Variants in CNTNAP2 observed in about 807,000 individuals in gnomAD.
CNTNAP2 encodes contactin-associated protein-like 2.
Under a neutral mutation model 155.2 loss-of-function variants are expected in CNTNAP2, and 98 were observed. That is an observed-to-expected ratio of 0.63 (90% confidence interval 0.54 to 0.75). CNTNAP2 has a LOEUF of 0.75. CNTNAP2 is among the 30% of genes least tolerant of loss of function. The pLI, the probability that CNTNAP2 is intolerant of heterozygous loss-of-function variation, is 0.00. For missense variants in CNTNAP2, 1,727 were observed against 1,688.1 expected, an observed-to-expected ratio of 1.02 and a Z score of -0.40; for synonymous variants, 651 against 631.2, an observed-to-expected ratio of 1.03 and a Z score of -0.47.
At chr7:146,799,814 T>TA (rs1386045932) in intron 2 of CNTNAP2, among the ~76,000 whole-genome samples, 1 of 152,178 alleles carries the variant, frequency 6.6e-6, no homozygotes, top group African/African-American at 2.4e-5. Context: ...TCTTCACTTT[T>TA]AAAATGGGGA....
At chr7:147,538,410 G>T (rs894147936) in intron 11 of CNTNAP2, among the ~76,000 whole-genome samples, 4 of 152,148 alleles carry the variant, frequency 2.6e-5, no homozygotes, top group African/African-American at 9.7e-5. Flanking sequence ...CCAACTCTTT[G>T]GAAGGCCAAG....
At chr7:146,748,627 A>C (rs1166368875) in intron 1 of CNTNAP2, among the ~76,000 whole-genome samples, 4 of 152,230 alleles carry the variant, frequency 2.6e-5, no homozygotes, top group African/African-American at 4.8e-5. Context: ...TCAGTAGTTT[A>C]GACTTAATAC....
intron 9 of CNTNAP2, among the ~76,000 whole-genome samples, chr7:147,370,918 C>A (rs1040666234): frequency 1.3e-5 from 2 of 152,074 alleles, no homozygotes; most frequent in Non-Finnish European, 2.9e-5. Flanking sequence ...CCAATTGTTA[C>A]TTTAATAAGG....
chr7:148,063,534 C>A lies in CNTNAP2; in HGVS notation c.2384-54584C>A, dbSNP rs1803197861. ...TCTTCAAGTTATCTAATCTTTTCTT[C>A]TGTAGTGTCTAATCTGCTGTTAGCC... is the stretch of plus-strand genomic sequence containing the variant. On this transcript the variant is annotated intron_variant, in intron 15 of 23. Coordinates refer to ENST00000361727, the MANE Select transcript of CNTNAP2 (RefSeq NM_014141.6). Among the ~76,000 whole-genome samples the A allele has an allele frequency of 1.3e-5, 2 of 150,934 alleles. 1 individual carries two copies.
chr7:146,831,035 T>C (rs886640906), intron 2 of CNTNAP2, among the ~76,000 whole-genome samples: 12 of 152,180 alleles, frequency 7.9e-5, no homozygotes, highest in African/African-American at 2.9e-4. Context: ...ATAATTAAAA[T>C]TGAAGATACA....
intron 15 of CNTNAP2, among the ~76,000 whole-genome samples, chr7:148,117,671 C>T (rs1804504650): frequency 6.6e-6 from 1 of 152,072 alleles, no homozygotes. Context: ...CCCCCACCCA[C>T]CCACAGAGTA....
At chr7:147,217,941 C>T (rs1803312809) in intron 8 of CNTNAP2, among the ~76,000 whole-genome samples, 2 of 151,980 alleles carry the variant, frequency 1.3e-5, no homozygotes, top group East Asian at 3.9e-4. Flanking sequence ...TAGACTTGTT[C>T]ATAATATTCG....
chr7:146,322,888 T>C (rs1317713411), intron 1 of CNTNAP2, among the ~76,000 whole-genome samples: 2 of 152,072 alleles, frequency 1.3e-5, no homozygotes, highest in African/African-American at 4.8e-5. Flanking sequence ...TTTGCTTTTA[T>C]TATAGTAGGA....
chr7:147,238,256 C>G (rs1242414833), intron 8 of CNTNAP2, among the ~76,000 whole-genome samples: 1 of 152,080 alleles, frequency 6.6e-6, no homozygotes, highest in Non-Finnish European at 1.5e-5. Flanking sequence ...ACCTCGTGAT[C>G]CGCCCACCTC....
intron 4 of CNTNAP2, among the ~76,000 whole-genome samples, chr7:147,088,111 C>T (rs540810665): frequency 1.3e-5 from 2 of 152,328 alleles, no homozygotes; most frequent in East Asian, 3.9e-4. Flanking sequence ...TAATCAATCT[C>T]GCTAACCTCA....
chr7:147,219,616 T>C (rs2116590250), intron 8 of CNTNAP2, among the ~76,000 whole-genome samples: 1 of 152,342 alleles, frequency 6.6e-6, no homozygotes, highest in Middle Eastern at 3.4e-3. Context: ...TCTCTCAGTC[T>C]AGATTCAAAT....
At chr7:146,688,227 T>C (rs1046602022) in intron 1 of CNTNAP2, among the ~76,000 whole-genome samples, 2 of 152,164 alleles carry the variant, frequency 1.3e-5, no homozygotes, top group African/African-American at 2.4e-5. Flanking sequence ...TATTTAATAG[T>C]ATTAATCAGA....
chr7:146,904,211 C>G (rs1305824650), intron 3 of CNTNAP2, among the ~76,000 whole-genome samples: 1 of 152,064 alleles, frequency 6.6e-6, no homozygotes, highest in Non-Finnish European at 1.5e-5. Context: ...CTGGTTGTTA[C>G]TCTAGCATAG....
chr7:148,404,070 G>A (rs796603552), intron 22 of CNTNAP2, among the ~76,000 whole-genome samples: 1 of 152,204 alleles, frequency 6.6e-6, no homozygotes, highest in East Asian at 1.9e-4. Flanking sequence ...TTGAGACTAG[G>A]CATCTGACTT....
intron 8 of CNTNAP2, among the ~76,000 whole-genome samples, chr7:147,265,299 G>T (rs1297979104): frequency 6.6e-6 from 1 of 152,174 alleles, no homozygotes; most frequent in Non-Finnish European, 1.5e-5. Context: ...GTAGCTCCAG[G>T]CCACCATTTT....
At chr7:147,690,554 T>C (rs1796073610) in intron 13 of CNTNAP2, among the ~76,000 whole-genome samples, 1 of 151,834 alleles carries the variant, frequency 6.6e-6, no homozygotes, top group African/African-American at 2.4e-5. Flanking sequence ...AAAAAAGGTA[T>C]CCACAAATAA....
intron 8 of CNTNAP2, among the ~76,000 whole-genome samples, chr7:147,221,505 A>G (rs1037660052): frequency 6.6e-6 from 1 of 152,134 alleles, no homozygotes; most frequent in South Asian, 2.1e-4. Context: ...CTGCTGTCTC[A>G]GGTGCCCAAG....
At chr7:147,663,422 T>C (rs961130861) in intron 13 of CNTNAP2, among the ~76,000 whole-genome samples, 1 of 152,230 alleles carries the variant, frequency 6.6e-6, no homozygotes, top group Non-Finnish European at 1.5e-5. Flanking sequence ...CGTGATGTAA[T>C]CTAAAAATCA....
intron 1 of CNTNAP2, among the ~76,000 whole-genome samples, chr7:146,225,650 C>T (rs1562996903): frequency 6.6e-6 from 1 of 152,132 alleles, no homozygotes; most frequent in African/African-American, 2.4e-5. Flanking sequence ...CAGGCTTTGA[C>T]GCTGATGACA....
Sources: allele counts gnomAD v4.1 joint callset (sites outside exome capture counted in the v4.1 genomes callset), GRCh38; gene constraint gnomAD v4.1.1; transcripts MANE v1.5; gene names NCBI Gene and HGNC (gene_info 2026-07-23, HGNC 2026-07-21).